The following TMEM123 variants were observed in gnomAD, a reference collection of about 807,000 sequenced individuals.
The protein encoded by TMEM123 is transmembrane protein 123.
TMEM123 carries 16 observed loss-of-function variants against 19.7 expected under a neutral mutation model. The observed-to-expected ratio is 0.81, with a 90% CI of 0.55 to 1.23. TMEM123 has a LOEUF of 1.23. Ranked by LOEUF, TMEM123 falls within the 50% of genes most tolerant of loss-of-function variation. The pLI is 0.00. For missense variants in TMEM123, 313 were observed against 257.8 expected (o/e 1.21, Z -1.47); for synonymous variants, 118 against 99.4 (o/e 1.19, Z -1.12).
Position 102,452,544 on chromosome 11 carries a change from T to C in TMEM123, c.80A>G (p.His27Arg), listed in dbSNP as rs1049652169. The C allele has an allele frequency of 1.9e-6, 3 of 1,560,120 alleles. No individual in the cohort carries two copies. Among genetic ancestry groups the C allele is most frequent in the Non-Finnish European group, 1.7e-6 (2 of 1,156,916 alleles). Reference protein sequence around the residue: ...LQVLALLGAAHESAAMAASAN... With the variant: ...LQVLALLGAARESAAMAASAN... The stretch of plus-strand genomic sequence containing the variant: ...CTTACCCGCCATGGCTGCGCTTTCA[T>C]GGGCGGCCCCCAGCAGCGCTAGCAC... The change falls in exon 1 of 5, where the codon CAT becomes CGT. Residue 27 changes from histidine (H) to arginine (R), a missense_variant. His to Arg is a conservative substitution (Grantham distance 29). Transcript: ENST00000398136.
chr11:102,448,395 T>C, intron 2 of TMEM123: 3 of 420,400 alleles, frequency 7.1e-6, no homozygotes, highest in Non-Finnish European at 1.4e-5. Flanking sequence ...GAAATGTAAG[T>C]AGGGTCTCCT....
intron 2 of TMEM123, among the ~76,000 whole-genome samples, chr11:102,430,497 A>C (rs184342789): frequency 2.6e-5 from 4 of 152,322 alleles, no homozygotes; most frequent in African/African-American, 9.6e-5. Context: ...CTAGGACTGG[A>C]CCTGAGGAAA....
At chr11:102,451,027 G>A (rs1004843835) in intron 1 of TMEM123, among the ~76,000 whole-genome samples, 1 of 152,242 alleles carries the variant, frequency 6.6e-6, no homozygotes, top group South Asian at 2.1e-4. Context: ...TCCACCTCTG[G>A]TTGGTTATAC....
intron 2 of TMEM123, among the ~76,000 whole-genome samples, chr11:102,414,230 C>T (rs968967019): frequency 6.6e-6 from 1 of 152,206 alleles, no homozygotes; most frequent in Non-Finnish European, 1.5e-5. Flanking sequence ...AACTCACTGG[C>T]ATCCCTGAAA....
chr11:102,449,638 TTTC>T (rs1410673386), intron 1 of TMEM123, among the ~76,000 whole-genome samples: 7 of 152,226 alleles, frequency 4.6e-5, no homozygotes, highest in Non-Finnish European at 2.9e-5. Context: ...TTTGTGAGAA[TTTC>T]TTCTTCTTGA....
intron 4 of TMEM123, among the ~76,000 whole-genome samples, chr11:102,401,320 C>T (rs1352570740): frequency 1.3e-5 from 2 of 152,168 alleles, no homozygotes; most frequent in African/African-American, 2.4e-5. Flanking sequence ...TAGTAAAATA[C>T]ATTTTTTTAA....
At chr11:102,422,409 G>T (rs1415112987) in intron 2 of TMEM123, among the ~76,000 whole-genome samples, 1 of 152,132 alleles carries the variant, frequency 6.6e-6, no homozygotes, top group African/African-American at 2.4e-5. Context: ...GGCAGGGGGA[G>T]GTTGCAGTGA....
chr11:102,447,076 T>C (rs1029828838), intron 2 of TMEM123, among the ~76,000 whole-genome samples: 1 of 152,230 alleles, frequency 6.6e-6, no homozygotes, highest in Non-Finnish European at 1.5e-5. Context: ...GCGACAGTTA[T>C]GAGGCGTAAA....
At chr11:102,439,272 C>G (rs1488884009) in intron 2 of TMEM123, among the ~76,000 whole-genome samples, 2 of 152,096 alleles carry the variant, frequency 1.3e-5, no homozygotes, top group African/African-American at 4.8e-5. Flanking sequence ...AGTTTGAGAT[C>G]TGAGAACGGA....
intron 2 of TMEM123, among the ~76,000 whole-genome samples, chr11:102,437,785 T>C (rs1857779922): frequency 6.6e-6 from 1 of 152,208 alleles, no homozygotes; most frequent in Admixed American, 6.5e-5. Context: ...TGACCTTGTC[T>C]GCTGGGGCCT....
intron 2 of TMEM123, among the ~76,000 whole-genome samples, chr11:102,442,334 A>AAAGCTT (rs1857835649): frequency 6.6e-6 from 1 of 152,214 alleles, no homozygotes; most frequent in African/African-American, 2.4e-5. Flanking sequence ...AGCACATCAA[A>AAAGCTT]AAGCTTATCC....
chr11:102,414,849 T>C (rs2135849332), intron 2 of TMEM123, among the ~76,000 whole-genome samples: 1 of 152,266 alleles, frequency 6.6e-6, no homozygotes, highest in Admixed American at 6.5e-5. Context: ...CACATATCAA[T>C]GTTAACCTTG....
At chr11:102,411,047 C>T (rs1484313527) in intron 2 of TMEM123, among the ~76,000 whole-genome samples, 1 of 152,014 alleles carries the variant, frequency 6.6e-6, no homozygotes, top group African/African-American at 2.4e-5. Flanking sequence ...ATGATGGGAG[C>T]GTCTTTGGTT....
intron 2 of TMEM123, among the ~76,000 whole-genome samples, chr11:102,421,030 G>GTCC (rs1952081595): frequency 6.6e-6 from 1 of 152,154 alleles, no homozygotes; most frequent in East Asian, 1.9e-4. Flanking sequence ...CTGGGTGACA[G>GTCC]AGCAAGACTC....
At chr11:102,408,245 C>T (rs759293620) in intron 2 of TMEM123, among the ~76,000 whole-genome samples, 4 of 152,184 alleles carry the variant, frequency 2.6e-5, no homozygotes, top group African/African-American at 7.2e-5. Context: ...CAGTGAAAGA[C>T]GACAAAGAAT....
chr11:102,423,859 C>T (rs544958889), intron 2 of TMEM123, among the ~76,000 whole-genome samples: 83 of 152,248 alleles, frequency 5.5e-4, no homozygotes, highest in Non-Finnish European at 1.1e-3. Flanking sequence ...TTTTTATACA[C>T]TTTTGCATTA....
intron 2 of TMEM123, among the ~76,000 whole-genome samples, chr11:102,409,897 C>CAA (rs34000649): frequency 1.1e-4 from 14 of 124,946 alleles, no homozygotes; most frequent in Admixed American, 5.7e-4. Context: ...AATCTAGATT[C>CAA]AAAAAAAAAA....
intron 4 of TMEM123, among the ~76,000 whole-genome samples, chr11:102,399,954 G>T (rs942795829): frequency 7.6e-6 from 1 of 130,934 alleles, no homozygotes; most frequent in African/African-American, 2.9e-5. Flanking sequence ...TGGGCAACAA[G>T]AGGGAAACTC....
rs1591569508 is a variant in TMEM123, at chr11:102,448,840, A to G, written c.129T>C (p.Leu43=). Reference sequence around the variant, plus strand: ...TTGAGTTAGCACTGGAGTTGTGTGGAAGCCCAGAATTCTCTATGTTTGCAG... The same window carrying G: ...TTGAGTTAGCACTGGAGTTGTGTGGGAGCCCAGAATTCTCTATGTTTGCAG... ...AASANIENSG[L]PHNSSANSTE... The change falls in exon 2 of 5, where the codon CTT becomes CTC. Residue 43 remains leucine (L), a synonymous_variant. Coordinates refer to ENST00000398136, the MANE Select transcript of TMEM123 (RefSeq NM_052932.3). 1 of 1,613,818 alleles carries G rather than the reference A, an allele frequency of 6.2e-7. No homozygotes were observed. The highest frequency in any genetic ancestry group is 8.5e-7 in the Non-Finnish European group (1 of 1,179,804).
Sources: allele counts gnomAD v4.1 joint callset (sites outside exome capture counted in the v4.1 genomes callset), GRCh38; gene constraint gnomAD v4.1.1; transcripts MANE v1.5; gene names NCBI Gene and HGNC (gene_info 2026-07-23, HGNC 2026-07-21).